TMC5: variants seen among roughly 807,000 people sequenced by gnomAD.
The protein encoded by TMC5 is transmembrane channel-like protein 5.
TMC5 carries 86 observed loss-of-function variants against 110.5 expected under a neutral mutation model. That is an observed-to-expected ratio of 0.78 (90% CI 0.65 to 0.93). The LOEUF (loss-of-function observed/expected upper bound fraction) is 0.93, where lower values mean the gene tolerates loss of function less well. Among genes scored for constraint, TMC5 ranks in the 40% least tolerant of loss-of-function variants. The probability of loss-of-function intolerance (pLI) is 0.00; values close to 1 mark genes in which losing one functional copy is unlikely to be tolerated. For missense variants in TMC5, 1,144 were observed against 1,222.8 expected, an observed-to-expected ratio of 0.94 and a Z score of 0.96; for synonymous variants, 455 against 439.5, an observed-to-expected ratio of 1.04 and a Z score of -0.44.
At chr16:19,497,199 T>C in intron 21 of TMC5, 36 bp downstream of exon 21, 1 of 1,594,936 alleles carries the variant, frequency 6.3e-7, no homozygotes, top group South Asian at 1.1e-5. Context: ...AAGACACTAA[T>C]TTATTTCTGG....
intron 5 of TMC5, among the ~76,000 whole-genome samples, chr16:19,458,928 G>A (rs1209809733): frequency 6.6e-6 from 1 of 152,148 alleles, no homozygotes; most frequent in Non-Finnish European, 1.5e-5. Flanking sequence ...CCTCGGCACG[G>A]TATCGCTGCC....
chr16:19,463,744 C>A (rs201277742), intron 7 of TMC5, 32 bp from the exon 8 acceptor site: 175 of 1,604,856 alleles, frequency 1.1e-4, no homozygotes, highest in Non-Finnish European at 1.4e-4. Flanking sequence ...GAGTCAACAG[C>A]AAGCCACACC....
At chr16:19,460,379 CTCAA>C (rs1967992162) in intron 6 of TMC5, 45 bp downstream of exon 6, 1 of 1,328,976 alleles carries the variant, frequency 7.5e-7, no homozygotes, top group Admixed American at 1.9e-5. Flanking sequence ...TCATGCGAAC[CTCAA>C]TCCTCTACTT....
At chr16:19,494,884 A>G (rs1456166027) in intron 20 of TMC5, among the ~76,000 whole-genome samples, 4 of 152,102 alleles carry the variant, frequency 2.6e-5, no homozygotes, top group Admixed American at 6.6e-5. Flanking sequence ...GGTGAACAAA[A>G]CAAAGCCCCC....
chr16:19,490,702 G>A (rs1968865126), intron 18 of TMC5, 134 bp downstream of exon 18: 1 of 734,054 alleles, frequency 1.4e-6, no homozygotes, highest in South Asian at 2.0e-5. Context: ...CCTTGCATAG[G>A]TAGTTTTCTT....
At chr16:19,441,827 G>A (rs1351559637) in intron 3 of TMC5, among the ~76,000 whole-genome samples, 1 of 150,796 alleles carries the variant, frequency 6.6e-6, no homozygotes, top group African/African-American at 2.4e-5. Flanking sequence ...TTTTGAGATG[G>A]AGTTTCGCTC....
At position 19,497,134 on chromosome 16, in the gene TMC5, T is replaced by A; in HGVS notation, c.2945T>A (p.Leu982Ter). Residue 982 changes from leucine to a stop codon, truncating the protein, a stop_gained, in exon 21 of 22, where the codon TTG becomes TAG. Coordinates refer to ENST00000542583, the MANE Select transcript of TMC5 (RefSeq NM_001261841.2). LOFTEE classifies it low-confidence loss of function (END_TRUNC). ...TTTCTTTTTCAGCAACAAGGCTTTTTGCATTTGGGGGAACATGATGGCAGT... is the reference window on the plus strand; with the variant it reads ...TTTCTTTTTCAGCAACAAGGCTTTTAGCATTTGGGGGAACATGATGGCAGT... ...ERREVEQQGF[L>*]HLGEHDGSLD... 6.2e-7 allele frequency: 1 copy of A among 1,614,098 alleles called. No homozygotes were observed. Among genetic ancestry groups the A allele is most frequent in the Non-Finnish European group, 8.5e-7 (1 of 1,180,000 alleles).
chr16:19,492,915 GATAT>G (rs772226428), intron 19 of TMC5, among the ~76,000 whole-genome samples: 2 of 42,750 alleles, frequency 4.7e-5, no homozygotes, highest in Non-Finnish European at 7.8e-5. Context: ...TTAAAACTTA[GATAT>G]ATATATATAT....
rs773074997 is a variant in TMC5, at chr16:19,490,513, T to A, written c.2692T>A (p.Tyr898Asn). ...TGGCTACCTGTGGGTTGTTTGGATC[T>A]ATCGGAACCTCATTGGAAGTGTGCA... ...RPGYLWVVWI[Y>N]RNLIGSVHFF... is the part of the protein sequence containing the mutation. Residue 898 changes from tyrosine to asparagine, a missense_variant, in exon 18 of 22, where the codon TAT (tyrosine) becomes AAT (asparagine). Transcript: ENST00000542583. 1.9e-6 allele frequency: 3 copies of A among 1,614,146 alleles called. No individual in the cohort carries two copies. In the South Asian group the frequency reaches 3.3e-5, roughly 18 times the overall value.
intron 4 of TMC5, among the ~76,000 whole-genome samples, chr16:19,446,214 C>A (rs966156834): frequency 6.6e-6 from 1 of 152,132 alleles, no homozygotes; most frequent in African/African-American, 2.4e-5. Context: ...AACCTTTATT[C>A]CAAGCATTCC....
intron 11 of TMC5, among the ~76,000 whole-genome samples, chr16:19,473,325 A>G (rs1324772719): frequency 1.5e-5 from 2 of 137,122 alleles, no homozygotes; most frequent in Admixed American, 7.6e-5. Context: ...CAGCCTGGGC[A>G]ACAGAGCGAG....
intron 1 of TMC5, among the ~76,000 whole-genome samples, chr16:19,419,252 G>C (rs564330036): frequency 9.9e-5 from 15 of 152,146 alleles, no homozygotes; most frequent in African/African-American, 2.9e-4. Context: ...CCTGTGCCTG[G>C]CATGCATGTC....
At chr16:19,481,617 A>G in intron 15 of TMC5, 152 bp downstream of exon 15, 1 of 645,790 alleles carries the variant, frequency 1.5e-6, no homozygotes, top group Non-Finnish European at 2.8e-6. Context: ...TAGCATTTAG[A>G]CTATCATTTT....
At chr16:19,481,702 G>A (rs1309325431) in intron 15 of TMC5, among the ~76,000 whole-genome samples, 5 of 152,184 alleles carry the variant, frequency 3.3e-5, no homozygotes, top group African/African-American at 1.2e-4. Flanking sequence ...CCCACAGGTC[G>A]TGTCCAGCTT....
At chr16:19,448,516 G>A (rs995045776) in intron 4 of TMC5, among the ~76,000 whole-genome samples, 1 of 151,812 alleles carries the variant, frequency 6.6e-6, no homozygotes, top group Non-Finnish European at 1.5e-5. Flanking sequence ...CTACTCAGGA[G>A]GCTGAGATGG....
At chr16:19,412,858 T>G (rs1966859487) in intron 1 of TMC5, among the ~76,000 whole-genome samples, 1 of 152,088 alleles carries the variant, frequency 6.6e-6, no homozygotes, top group Admixed American at 6.5e-5. Flanking sequence ...ATTTATTTAG[T>G]TTTAGAGACT....
At chr16:19,423,895 G>T (rs1210793012) in intron 1 of TMC5, among the ~76,000 whole-genome samples, 1 of 152,148 alleles carries the variant, frequency 6.6e-6, no homozygotes, top group Non-Finnish European at 1.5e-5. Flanking sequence ...GGAACTACAG[G>T]CATGTGCCAC....
exon 1 of TMC5, chr16:19,410,989 TG>T (rs1428965550): frequency 6.6e-6 from 1 of 152,284 alleles, no homozygotes; most frequent in Non-Finnish European, 1.5e-5. Context: ...GCGCCGGAAT[TG>T]GGGAGCACGT....
rs1034985772 is a variant in TMC5, at chr16:19,492,238, C to G, written c.2826+10C>G. On this transcript the variant is annotated intron_variant, in intron 19 of 21. Coordinates refer to ENST00000542583, the MANE Select transcript of TMC5 (RefSeq NM_001261841.2). The stretch of plus-strand genomic sequence containing the variant: ...TGAGCAGATCATTAATGTAAGTCCC[C>G]TTGGATCCCTCTGATGTCCGCCCTC... 2 of 1,605,580 alleles carry G rather than the reference C, an allele frequency of 1.2e-6. No individual in the cohort carries two copies. The highest frequency in any genetic ancestry group is 1.7e-6 in the Non-Finnish European group (2 of 1,172,568).
Sources: gnomAD v4.1 joint callset for allele counts (sites outside exome capture counted in the v4.1 genomes callset) on GRCh38, gnomAD v4.1.1 for gene constraint, MANE v1.5 for transcripts, NCBI Gene and HGNC (gene_info 2026-07-23, HGNC 2026-07-21) for gene names.